Variants in COL11A2 observed in about 807,000 individuals in gnomAD.
The protein encoded by COL11A2 is collagen type XI alpha 2 chain, also known as collagen alpha-2(XI) chain.
In COL11A2, 116 loss-of-function variants were observed where a neutral mutation model predicts 273.4. The observed-to-expected ratio is 0.42, with a 90% CI of 0.36 to 0.49. The LOEUF (loss-of-function observed/expected upper bound fraction) is 0.49. Ranked by LOEUF, COL11A2 falls within the 20% of genes least tolerant of loss-of-function variation. COL11A2 has a pLI of 0.00. For synonymous variants in COL11A2, 782 were observed against 864.2 expected (o/e 0.90, Z 1.67); for missense variants, 1,866 against 2,309.0 (o/e 0.81, Z 3.93).
At position 33,176,943 on chromosome 6, in the gene COL11A2, G is replaced by T; in HGVS notation, c.2070+49C>A. ...TAAAGGAGCTCTGAGGTCATGCACT[G>T]GGGTGGAAGGCCAAGGGGAACTGGA... On this transcript the variant is annotated intron_variant, in intron 25 of 65. Coordinates refer to ENST00000341947, the MANE Select transcript of COL11A2 (RefSeq NM_080680.3). The surrounding 1 kb of genome is among the most constrained non-coding windows in gnomAD (Gnocchi z 4.9). The T allele has an allele frequency of 6.3e-7, 1 of 1,590,338 alleles. No individual in the cohort carries two copies. The highest frequency in any genetic ancestry group is 2.3e-5 in the East Asian group (1 of 44,152).
intron 54 of COL11A2, among the ~76,000 whole-genome samples, chr6:33,168,125 C>T: frequency 6.6e-6 from 1 of 152,124 alleles, no homozygotes; most frequent in East Asian, 1.9e-4. Context: ...AGGTTCACCC[C>T]TGGCCCACAG....
rs111583750 is a variant in COL11A2 at position 33,186,845 on chromosome 6, G to T, written c.607-27C>A. The T allele has an allele frequency of 1.8e-5, 29 of 1,613,170 alleles. No individual in the cohort carries two copies. In the African/African-American group the frequency reaches 3.2e-4, roughly 18 times the overall value. On this transcript the variant is annotated intron_variant, in intron 4 of 65. Transcript: ENST00000341947. ...TGCAAAGACATGAGAGAGATGGAGC[G>T]GAGAGATTCAGAGAGAGGCAGAGGG...
rs780710706 is a variant in COL11A2 at position 33,170,303 on chromosome 6, G to A, written c.3582+23C>T. 2 of 1,612,380 alleles carry A rather than the reference G, an allele frequency of 1.2e-6. No homozygotes were observed. Among genetic ancestry groups the A allele is most frequent in the Middle Eastern group, 1.7e-4 (1 of 6,060 alleles). ...GAAGACCAGACACATTGGTCTCAAG[G>A]GACAGGGGCTGAGATGACTCACATC... is the stretch of plus-strand genomic sequence containing the variant. On this transcript the variant is annotated intron_variant, in intron 48 of 65. Coordinates refer to ENST00000341947, the MANE Select transcript of COL11A2 (RefSeq NM_080680.3). This position sits in a 1 kb window ranked among gnomAD's most constrained non-coding sequence, Gnocchi z 4.3.
At position 33,173,577 on chromosome 6, in the gene COL11A2, GT is replaced by G. The variant is rs1168408907; in HGVS notation, c.2629-23del. 1.4e-5 allele frequency: 16 copies of G among 1,129,774 alleles called. No individual in the cohort carries two copies. The highest frequency in any genetic ancestry group is 2.0e-5 in the Non-Finnish European group (16 of 798,080). The allele number at this position is 1,129,774 out of a possible 1,614,324, so 70.0% of individuals were successfully genotyped here. ...GGCCCTAGAGACAGAGGTGGGGGGA[GT>G]CAGGAGAATGGGGGCAGGGGCTGAG... On this transcript the variant is annotated intron_variant, in intron 35 of 65. Coordinates refer to ENST00000341947, the MANE Select transcript of COL11A2 (RefSeq NM_080680.3). This position sits in a 1 kb window ranked among gnomAD's most constrained non-coding sequence, Gnocchi z 6.3.
At chr6:33,172,207 G>C in intron 40 of COL11A2, 82 bp downstream of exon 40, 1 of 1,568,234 alleles carries the variant, frequency 6.4e-7, no homozygotes, top group African/African-American at 1.4e-5. Context: ...GAGTGACATG[G>C]AGGGGGTCAG....
chr6:33,178,559 T>C lies in COL11A2; in HGVS notation c.1720-71A>G. Reference sequence around the variant, plus strand: ...ACAGGCAGACACCGAACCTCTGCACTTAGCCCATCCATTACTTTCACTGAG... The same window carrying C: ...ACAGGCAGACACCGAACCTCTGCACCTAGCCCATCCATTACTTTCACTGAG... On this transcript the variant is annotated intron_variant, in intron 18 of 65. Transcript: ENST00000341947. The surrounding 1 kb of genome is among the most constrained non-coding windows in gnomAD (Gnocchi z 4.6). 1 of 1,609,386 alleles carries C rather than the reference T, an allele frequency of 6.2e-7. No homozygotes were observed. The highest frequency in any genetic ancestry group is 2.2e-5 in the East Asian group (1 of 44,830).
rs2855432 is a variant in COL11A2, at chr6:33,173,206, A to C, written c.2737-93T>G. 3.9e-6 allele frequency: 6 copies of C among 1,534,344 alleles called. No homozygotes were observed. Among genetic ancestry groups the C allele is most frequent in the Admixed American group, 1.9e-5 (1 of 53,082 alleles). On this transcript the variant is annotated intron_variant, in intron 37 of 65. Transcript: ENST00000341947. This position sits in a 1 kb window ranked among gnomAD's most constrained non-coding sequence, Gnocchi z 6.3. ...GAAGGATCCCAGGCAGGATCACACC[A>C]AGCCCTGGGCCCTGGGTCTGAGCAG...
chr6:33,184,957 C>T (rs1194077346), intron 7 of COL11A2, 35 bp downstream of exon 7: 1 of 1,534,494 alleles, frequency 6.5e-7, no homozygotes, highest in Non-Finnish European at 8.8e-7. Context: ...GTGCCCACTG[C>T]CCCCAGATGG....
rs748440351 is a variant in COL11A2 at position 33,184,297 on chromosome 6, T to TG, written c.966dup (p.Thr323HisfsTer19). 119 of 1,367,080 alleles carry TG rather than the reference T, an allele frequency of 8.7e-5. No homozygotes were observed. The highest frequency in any genetic ancestry group is 6.3e-4 in the Middle Eastern group (3 of 4,788). 84.7% of individuals were successfully genotyped at this position (1,367,080 alleles called of 1,614,324 possible). A position where few individuals can be genotyped will look rare whatever the true frequency, so the allele number is the denominator to read the frequency against. On this transcript the variant is annotated frameshift_variant, in exon 8 of 66. Transcript: ENST00000341947. LOFTEE classifies it high-confidence loss of function. ...TCCTCTGCCTGGAACCTGTCGGCTG[T>TG]GGGGGGGACCTGGAGATCTGTCTGC...
chr6:33,171,750 T>C lies in COL11A2; in HGVS notation c.3113A>G (p.Gln1038Arg). The change falls in exon 42 of 66, where the codon CAG becomes CGG. Residue 1038 changes from glutamine to arginine, a missense_variant. By Grantham distance (43) the Gln-to-Arg change is conservative. Transcript: ENST00000341947. Reference protein sequence around the residue: ...PIGPPGRPGPQGPPGAAGEKG... With the variant: ...PIGPPGRPGPRGPPGAAGEKG... Reference sequence around the variant, plus strand: ...CTCTCCTGCTGCTCCAGGGGGACCCTGCGGGCCTGGGCGCCCTGGCGGACC... The same window carrying C: ...CTCTCCTGCTGCTCCAGGGGGACCCCGCGGGCCTGGGCGCCCTGGCGGACC... 6.2e-7 allele frequency: 1 copy of C among 1,612,434 alleles called. No individual in the cohort carries two copies. The highest frequency in any genetic ancestry group is 8.5e-7 in the Non-Finnish European group (1 of 1,179,768).
At position 33,170,678 on chromosome 6, in the gene COL11A2, G is replaced by T; in HGVS notation, c.3475-68C>A. ...CCAAAGCACAGCCCTAGGCAGATAG[G>T]CCCCACAGTCCCCTCCCCTCAGACT... On this transcript the variant is annotated intron_variant, in intron 46 of 65. Transcript: ENST00000341947. This position sits in a 1 kb window ranked among gnomAD's most constrained non-coding sequence, Gnocchi z 4.3. 4 of 1,598,002 alleles carry T rather than the reference G, an allele frequency of 2.5e-6. No homozygotes were observed. The highest frequency in any genetic ancestry group is 2.2e-5 in the South Asian group (2 of 90,756).
chr6:33,172,072 G>A lies in COL11A2; in HGVS notation c.3020C>T (p.Pro1007Leu), dbSNP rs771092817. Residue 1007 changes from proline (P) to leucine (L), a missense_variant, in exon 41 of 66, where the codon CCG becomes CTG. Physicochemically the swap from Pro to Leu is moderately conservative, Grantham distance 98. Coordinates refer to ENST00000341947, the MANE Select transcript of COL11A2 (RefSeq NM_080680.3). Reference sequence around the variant, plus strand: ...CACTGCAGGGCCAGGGGGGCCAGACGGACCTTCATTCCCCTTCAAACCAGG... The same window carrying A: ...CACTGCAGGGCCAGGGGGGCCAGACAGACCTTCATTCCCCTTCAAACCAGG... Reference protein sequence around the residue: ...GGPGLKGNEGPSGPPGPAGSP... With the variant: ...GGPGLKGNEGLSGPPGPAGSP... The A allele has an allele frequency of 2.2e-5, 36 of 1,612,634 alleles. No individual in the cohort carries two copies. The highest frequency in any genetic ancestry group is 2.4e-5 in the Non-Finnish European group (28 of 1,179,938).
chr6:33,166,200 C>G lies in COL11A2; in HGVS notation c.4399G>C (p.Ala1467Pro). The G allele has an allele frequency of 1.2e-6, 2 of 1,601,286 alleles. No homozygotes were observed. Among genetic ancestry groups the G allele is most frequent in the South Asian group, 1.1e-5 (1 of 88,632 alleles). ...GCTCCTTTGGCTCCTTTGGGGCCAG[C>G]AGGTCCCTGTGAAATGAGGAACAAG... ...PGGPPGLPGP[A>P]GPKGAKGATG... Residue 1467 changes from alanine to proline, a missense_variant, in exon 61 of 66, where the codon GCT (alanine) becomes CCT (proline). Transcript: ENST00000341947. This position sits in a 1 kb window ranked among gnomAD's most constrained non-coding sequence, Gnocchi z 4.8.
rs1434653690 is a variant in COL11A2 at position 33,164,355 on chromosome 6, T to A, written c.4982A>T (p.Asp1661Val). 6.2e-7 allele frequency: 1 copy of A among 1,612,606 alleles called. No homozygotes were observed. The highest frequency in any genetic ancestry group is 1.7e-5 in the Admixed American group (1 of 59,954). ...VSYPCSGAAR[D>V]GPLRLRGANE... is the part of the protein sequence containing the mutation. Reference sequence around the variant, plus strand: ...GGCCCCACGGAGTCTCAGGGGACCGTCACGGGCTGCTCCAGAGCAGGGGTA... The same window carrying A: ...GGCCCCACGGAGTCTCAGGGGACCGACACGGGCTGCTCCAGAGCAGGGGTA... The change falls in exon 65 of 66, where the codon GAC becomes GTC. Residue 1661 changes from aspartate to valine, a missense_variant. Transcript: ENST00000341947. The surrounding 1 kb of genome is among the most constrained non-coding windows in gnomAD (Gnocchi z 4.7).
rs1222061332 is a variant in COL11A2 at position 33,167,748 on chromosome 6, G to C, written c.4014+51C>G. On this transcript the variant is annotated intron_variant, in intron 55 of 65. Transcript: ENST00000341947. This position sits in a 1 kb window ranked among gnomAD's most constrained non-coding sequence, Gnocchi z 6.1. ...GGCATCTGGAGACGGAGGCATCTGAGGGGTGGGAGGCGGAGGGGATGCTCC... is the reference window on the plus strand; with the variant it reads ...GGCATCTGGAGACGGAGGCATCTGACGGGTGGGAGGCGGAGGGGATGCTCC... 1 of 1,607,286 alleles carries C rather than the reference G, an allele frequency of 6.2e-7. No homozygotes were observed. Among genetic ancestry groups the C allele is most frequent in the Non-Finnish European group, 8.5e-7 (1 of 1,175,936 alleles).
At chr6:33,172,432 G>A (rs1770239150) in intron 39 of COL11A2, 54 bp from the exon 40 acceptor site, 1 of 1,551,114 alleles carries the variant, frequency 6.4e-7, no homozygotes, top group African/African-American at 1.4e-5. Flanking sequence ...ATTAAACAGA[G>A]AGCTCTCCAG....
At chr6:33,175,523 C>T in intron 30 of COL11A2, 51 bp downstream of exon 30, 1 of 1,518,554 alleles carries the variant, frequency 6.6e-7, no homozygotes, top group Non-Finnish European at 9.1e-7. Context: ...CATCCTGACC[C>T]CAGTGCCCAC....
rs754994197 is a variant in COL11A2, at chr6:33,167,227, C to T, written c.4176+37G>A. 7.4e-6 allele frequency: 12 copies of T among 1,613,990 alleles called. 1 individual carries two copies. Among genetic ancestry groups the T allele is most frequent in the Middle Eastern group, 1.6e-4 (1 of 6,084 alleles). On this transcript the variant is annotated intron_variant, in intron 57 of 65. Transcript: ENST00000341947. This position sits in a 1 kb window ranked among gnomAD's most constrained non-coding sequence, Gnocchi z 6.1. ...GCTTCAGCTCTGTCCCAGGGCACTGCCCTCACCCCTCACTCAGCCCAATCC... is the reference window on the plus strand; with the variant it reads ...GCTTCAGCTCTGTCCCAGGGCACTGTCCTCACCCCTCACTCAGCCCAATCC...
chr6:33,183,645 AC>A (rs1771996810), intron 8 of COL11A2, among the ~76,000 whole-genome samples: 1 of 152,242 alleles, frequency 6.6e-6, no homozygotes, highest in East Asian at 1.9e-4. Flanking sequence ...TGACACAGTT[AC>A]CAAGATGGAT....
Sources: allele counts gnomAD v4.1 joint callset (sites outside exome capture counted in the v4.1 genomes callset), GRCh38; gene constraint gnomAD v4.1.1; non-coding constraint Gnocchi (gnomAD v3.1); transcripts MANE v1.5; gene names NCBI Gene and HGNC (gene_info 2026-07-23, HGNC 2026-07-21).